Variants in TRPC5 observed in about 807,000 individuals in gnomAD.
TRPC5 encodes transient receptor potential cation channel subfamily C member 5.
A neutral mutation model predicts 56.5 loss-of-function variants in TRPC5; 9 were observed. The observed-to-expected ratio is 0.16, with a 90% CI of 0.10 to 0.28. The LOEUF (loss-of-function observed/expected upper bound fraction) is 0.28, where lower values mean the gene tolerates loss of function less well. Among genes scored for constraint, TRPC5 ranks in the 10% least tolerant of loss-of-function variants. The probability of loss-of-function intolerance (pLI) is 1.00; values close to 1 mark genes in which losing one functional copy is unlikely to be tolerated. For missense variants in TRPC5, 469 were observed against 748.9 expected (o/e 0.63, Z 4.36); for synonymous variants, 282 against 278.5 (o/e 1.01, Z -0.13).
intron 1 of TRPC5, among the ~76,000 whole-genome samples, chrX:112,074,156 G>A (rs1412110975): frequency 1.8e-5 from 2 of 110,620 alleles, no homozygotes; most frequent in African/African-American, 3.3e-5. Context: ...AAAATCACAC[G>A]TAGACGAATT....
At chrX:111,966,776 A>G (rs760573653) in intron 1 of TRPC5, among the ~76,000 whole-genome samples, 112 of 112,707 alleles carry the variant, frequency 9.9e-4, no homozygotes, top group African/African-American at 3.4e-3. Flanking sequence ...ACAAAATTCA[A>G]CAACTCTTCA....
At chrX:111,788,873 C>G (rs1431247925) in intron 7 of TRPC5, among the ~76,000 whole-genome samples, 2 of 111,694 alleles carry the variant, frequency 1.8e-5, no homozygotes, top group Non-Finnish European at 3.8e-5. Context: ...TGAAGGACCT[C>G]TTCAAGGAGA....
intron 2 of TRPC5, among the ~76,000 whole-genome samples, chrX:111,925,414 G>A (rs1416320613): frequency 3.6e-5 from 4 of 112,208 alleles, no homozygotes; most frequent in Non-Finnish European, 5.6e-5. Context: ...TTTAGAAGCC[G>A]CAAACATTTC....
chrX:111,950,063 G>T (rs113540506), intron 2 of TRPC5, among the ~76,000 whole-genome samples: 40 of 111,548 alleles, frequency 3.6e-4, no homozygotes, highest in African/African-American at 1.2e-3. Flanking sequence ...GGTGGCTCAC[G>T]CCTGTAATCC....
chrX:111,882,131 A>G (rs932944034), intron 3 of TRPC5: 9 of 112,438 alleles, frequency 8.0e-5, no homozygotes, highest in Non-Finnish European at 1.7e-4. Context: ...TAAGTTTGTT[A>G]CAAACTTATT....
chrX:112,035,413 A>T (rs1268973151), intron 1 of TRPC5, among the ~76,000 whole-genome samples: 4 of 108,496 alleles, frequency 3.7e-5, no homozygotes, highest in African/African-American at 1.4e-4. Context: ...CTGTTTCTTT[A>T]TCTTGTGTTT....
chrX:111,792,093 G>A (rs1017174164), intron 7 of TRPC5, among the ~76,000 whole-genome samples: 2 of 112,220 alleles, frequency 1.8e-5, no homozygotes, highest in South Asian at 7.5e-4. Context: ...TAAAGAAAAT[G>A]TGGCACATAT....
chrX:111,876,701 C>CT (rs1251978942), intron 3 of TRPC5, among the ~76,000 whole-genome samples: 2 of 111,432 alleles, frequency 1.8e-5, no homozygotes, highest in African/African-American at 6.5e-5. Flanking sequence ...TGAGTCTCTA[C>CT]CACCCAGAAT....
At chrX:112,063,785 T>C (rs746904617) in intron 1 of TRPC5, among the ~76,000 whole-genome samples, 1 of 112,180 alleles carries the variant, frequency 8.9e-6, no homozygotes, top group South Asian at 3.7e-4. Context: ...TTCTTTTGTT[T>C]GTTTGTTTGT....
intron 1 of TRPC5, among the ~76,000 whole-genome samples, chrX:111,965,771 T>A (rs1237151993): frequency 1.3e-4 from 14 of 110,707 alleles, no homozygotes; most frequent in African/African-American, 3.9e-4. Flanking sequence ...GTTCTTTGAA[T>A]CCAACGAGAA....
chrX:112,037,318 C>G (rs1929772719), intron 1 of TRPC5, among the ~76,000 whole-genome samples: 1 of 111,518 alleles, frequency 9.0e-6, no homozygotes, highest in Non-Finnish European at 1.9e-5. Context: ...GACTCCTTAA[C>G]ACTAAAGGCC....
intron 1 of TRPC5, among the ~76,000 whole-genome samples, chrX:112,010,458 CAT>C (rs1166103354): frequency 9.0e-6 from 1 of 111,436 alleles, no homozygotes; most frequent in Non-Finnish European, 1.9e-5. Context: ...GTGTGAACAT[CAT>C]AGTGTGTACT....
At chrX:112,004,112 A>G (rs145663488) in intron 1 of TRPC5, among the ~76,000 whole-genome samples, 278 of 112,080 alleles carry the variant, frequency 2.5e-3, no homozygotes, top group Middle Eastern at 4.7e-3. Context: ...AAGCTTAGTG[A>G]TTTTGCAGTG....
At chrX:111,777,482 A>G (rs997808696) in intron 10 of TRPC5, among the ~76,000 whole-genome samples, 8 of 110,093 alleles carry the variant, frequency 7.3e-5, no homozygotes, top group Non-Finnish European at 1.5e-4. Context: ...TCTATCTCCA[A>G]CTGGCTGCTT....
At chrX:111,829,752 A>C (rs1012073659) in intron 7 of TRPC5, among the ~76,000 whole-genome samples, 1 of 112,933 alleles carries the variant, frequency 8.9e-6, no homozygotes, top group South Asian at 3.6e-4. Context: ...CTCCACCTAG[A>C]TTTCAGATGA....
Position 112,003,869 on chromosome X carries a change from C to T in TRPC5, c.-21-51428G>A, listed in dbSNP as rs1024967676. On this transcript the variant is annotated intron_variant, in intron 1 of 10. Transcript: ENST00000262839. ...AACAGTGCAAAAATGGAGGGTTTCC[C>T]CAGAGATCCTCACTAAGAAGGTTGT... 9.0e-5 allele frequency among the ~76,000 whole-genome samples: 10 copies of T among 111,475 alleles called. No individual in the cohort carries two copies. In the Admixed American group the frequency reaches 9.5e-4, roughly 11 times the overall value.
At chrX:111,807,941 T>C (rs1330379658) in intron 7 of TRPC5, among the ~76,000 whole-genome samples, 2 of 82,920 alleles carry the variant, frequency 2.4e-5, no homozygotes, top group Non-Finnish European at 4.0e-5. Flanking sequence ...AAATGGAGTC[T>C]CTCTCTCTCT....
intron 6 of TRPC5, among the ~76,000 whole-genome samples, chrX:111,840,937 A>C (rs1190659783): frequency 1.8e-5 from 2 of 112,170 alleles, no homozygotes; most frequent in Non-Finnish European, 3.8e-5. Context: ...TTATTGAAGG[A>C]GTCTATAAAA....
intron 1 of TRPC5, among the ~76,000 whole-genome samples, chrX:111,980,913 A>ATATATATATATTATATATATG: frequency 1.0e-5 from 1 of 95,353 alleles, no homozygotes; most frequent in African/African-American, 4.2e-5. Context: ...ATATATATGT[A>ATATATATATATTATATATATG]TATATATATA....
Sources: allele counts gnomAD v4.1 joint callset (sites outside exome capture counted in the v4.1 genomes callset), GRCh38; gene constraint gnomAD v4.1.1; transcripts MANE v1.5; gene names NCBI Gene and HGNC (gene_info 2026-07-23, HGNC 2026-07-21).